The following PIAS2 variants were observed in gnomAD, a reference collection of about 807,000 sequenced individuals.
PIAS2 encodes the protein protein inhibitor of activated STAT 2, also known as E3 SUMO-protein ligase PIAS2.
A neutral mutation model predicts 69.7 loss-of-function variants in PIAS2; 19 were observed. The observed-to-expected ratio is 0.27, with a 90% confidence interval of 0.19 to 0.40. The LOEUF (loss-of-function observed/expected upper bound fraction) is 0.40, where lower values mean the gene tolerates loss of function less well. PIAS2 is among the 10% of genes least tolerant of loss of function. The pLI is 1.00. For synonymous variants in PIAS2, 261 were observed against 263.2 expected (o/e 0.99, Z 0.08); for missense variants, 624 against 757.0 (o/e 0.82, Z 2.06).
At chr18:46,915,024 T>A (rs1368159743) in intron 1 of PIAS2, 4 of 152,138 alleles carry the variant, frequency 2.6e-5, no homozygotes, top group Non-Finnish European at 5.9e-5. Context: ...ACCAATCATT[T>A]AATTTAGGAG....
intron 2 of PIAS2, among the ~76,000 whole-genome samples, chr18:46,883,000 G>GA (rs1228818883): frequency 0.013 from 1,928 of 145,484 alleles, 36 homozygotes; most frequent in African/African-American, 0.044. Context: ...GCTGCGGCAG[G>GA]AAAAAAAAAA....
chr18:46,823,613 A>G (rs1240766372), intron 11 of PIAS2, among the ~76,000 whole-genome samples: 1 of 152,226 alleles, frequency 6.6e-6, no homozygotes, highest in East Asian at 1.9e-4. Flanking sequence ...AGGCAACACC[A>G]AAAGGTTGAC....
At chr18:46,819,154 T>C (rs1436427458) in intron 12 of PIAS2, among the ~76,000 whole-genome samples, 1 of 152,106 alleles carries the variant, frequency 6.6e-6, no homozygotes, top group African/African-American at 2.4e-5. Context: ...TAATTTTTAA[T>C]TCAAGGTCTT....
chr18:46,876,485 T>C (rs747835216), intron 2 of PIAS2, among the ~76,000 whole-genome samples: 111 of 152,294 alleles, frequency 7.3e-4, no homozygotes, highest in Non-Finnish European at 1.4e-3. Context: ...AATTAGGACC[T>C]ACCAGCCAAA....
intron 2 of PIAS2, among the ~76,000 whole-genome samples, chr18:46,888,363 A>T (rs2053532742): frequency 6.7e-6 from 1 of 149,230 alleles, no homozygotes; most frequent in South Asian, 2.1e-4. Context: ...CAAAATCCCA[A>T]TTTTTTTTTT....
At chr18:46,826,048 T>C (rs901341386) in intron 11 of PIAS2, among the ~76,000 whole-genome samples, 1 of 152,212 alleles carries the variant, frequency 6.6e-6, no homozygotes, top group Non-Finnish European at 1.5e-5. Context: ...ATGTCTAGGT[T>C]GGGTGTTAAG....
rs1458345508 is a variant in PIAS2 at position 46,873,431 on chromosome 18, G to A, written c.500-9183C>T. On this transcript the variant is annotated intron_variant, in intron 2 of 13. Coordinates refer to ENST00000585916, the MANE Select transcript of PIAS2 (RefSeq NM_004671.5). ...ATCTATTCATAGATGGCCCCTCTAG[G>A]GTAATTGGGGGAAAAAGGAGTAATG... is the stretch of plus-strand genomic sequence containing the variant. 2.0e-5 allele frequency among the ~76,000 whole-genome samples: 3 copies of A among 152,190 alleles called. No homozygotes were observed. In the East Asian group the frequency reaches 5.8e-4, roughly 29 times the overall value.
chr18:46,844,878 GAT>G, intron 6 of PIAS2, 39 bp from the exon 7 acceptor site: 1 of 775,658 alleles, frequency 1.3e-6, no homozygotes, highest in Non-Finnish European at 2.0e-6. Flanking sequence ...AAAGATGAGA[GAT>G]AATATTCTCT....
chr18:46,890,478 C>T, intron 2 of PIAS2, 102 bp downstream of exon 2: 2 of 742,922 alleles, frequency 2.7e-6, no homozygotes, highest in Non-Finnish European at 4.3e-6. Context: ...GCATTGATGC[C>T]TCAATTTCAC....
At chr18:46,821,152 T>C in intron 11 of PIAS2, 80 bp from the exon 12 acceptor site, 2 of 1,472,144 alleles carry the variant, frequency 1.4e-6, no homozygotes, top group Non-Finnish European at 1.9e-6. Flanking sequence ...CTGGGCATTC[T>C]CAGTCGTTCG....
chr18:46,892,028 C>G (rs2054148635), intron 1 of PIAS2, among the ~76,000 whole-genome samples: 1 of 151,910 alleles, frequency 6.6e-6, no homozygotes, highest in Non-Finnish European at 1.5e-5. Flanking sequence ...AGAAACCTAC[C>G]CAGGAGAACT....
intron 1 of PIAS2, among the ~76,000 whole-genome samples, chr18:46,911,795 C>T (rs2057294457): frequency 6.6e-6 from 1 of 152,200 alleles, no homozygotes; most frequent in Admixed American, 6.5e-5. Context: ...CCTGTAATCC[C>T]ACCACTTTGG....
In PIAS2 at chr18:46,809,850, T is replaced by C. The variant is rs1393375821; in HGVS notation, c.*2583A>G. ...CAATCACTGGTTGGCTGACAGAATC[T>C]AGGTGACAGCTAAGATCACCCCTCT... On this transcript the variant is annotated 3_prime_UTR_variant, in exon 14 of 14. Coordinates refer to ENST00000585916, the MANE Select transcript of PIAS2 (RefSeq NM_004671.5). The C allele has an allele frequency of 6.6e-6, 1 of 152,156 alleles. No homozygotes were observed. Among genetic ancestry groups the C allele is most frequent in the Non-Finnish European group, 1.5e-5 (1 of 68,034 alleles). The allele number at this position is 152,156 out of a possible 1,614,324, so 9.4% of individuals were successfully genotyped here. A position where few individuals can be genotyped will look rare whatever the true frequency, so the allele number is the denominator to read the frequency against.
chr18:46,907,400 G>A (rs2056748716), intron 1 of PIAS2: 1 of 152,056 alleles, frequency 6.6e-6, no homozygotes, highest in Admixed American at 6.6e-5. Context: ...AATTAAAAGG[G>A]TAGACAAGGA....
chr18:46,848,470 G>A (rs968296263), intron 5 of PIAS2, among the ~76,000 whole-genome samples: 9 of 152,144 alleles, frequency 5.9e-5, no homozygotes, highest in African/African-American at 2.2e-4. Context: ...GCAATTTTAA[G>A]ACACTTCTGG....
intron 11 of PIAS2, chr18:46,827,749 C>G (rs573167589): frequency 1.5e-5 from 7 of 464,218 alleles, no homozygotes; most frequent in Non-Finnish European, 2.7e-5. Flanking sequence ...AAATACCTCA[C>G]ACGCTCACTT....
chr18:46,867,673 C>T (rs2049697995), intron 2 of PIAS2, among the ~76,000 whole-genome samples: 1 of 152,150 alleles, frequency 6.6e-6, no homozygotes, highest in African/African-American at 2.4e-5. Flanking sequence ...TTCAACAACC[C>T]TTCATAATGT....
At chr18:46,856,590 G>A (rs549293267) in intron 3 of PIAS2, among the ~76,000 whole-genome samples, 35 of 152,154 alleles carry the variant, frequency 2.3e-4, no homozygotes, top group Non-Finnish European at 4.3e-4. Flanking sequence ...AGTCTACGGG[G>A]AAGCAGCACT....
rs146856620 is a variant in PIAS2, at chr18:46,875,365, C to T, written c.500-11117G>A. ...GGACTGAAACAGAAACTCCAACTTA[C>T]GTGGTCCCACCCCATCAAATTGTAA... On this transcript the variant is annotated intron_variant, in intron 2 of 13. Coordinates refer to ENST00000585916, the MANE Select transcript of PIAS2 (RefSeq NM_004671.5). Among the ~76,000 whole-genome samples, 91 of 152,330 alleles carry T rather than the reference C, an allele frequency of 6.0e-4. 2 individuals carry two copies. The East Asian group carries it at 0.012, about 21-fold the overall frequency.
Sources: allele counts gnomAD v4.1 joint callset (sites outside exome capture counted in the v4.1 genomes callset), GRCh38; gene constraint gnomAD v4.1.1; transcripts MANE v1.5; gene names NCBI Gene and HGNC (gene_info 2026-07-23, HGNC 2026-07-21).